NPEPPS: variants seen among roughly 807,000 people sequenced by gnomAD.
NPEPPS encodes aminopeptidase puromycin sensitive, also known as puromycin-sensitive aminopeptidase.
In NPEPPS, 14 loss-of-function variants were observed where a neutral mutation model predicts 115.5. That is an observed-to-expected ratio of 0.12 (90% CI 0.08 to 0.19). The LOEUF is 0.19. Among genes scored for constraint, NPEPPS ranks in the 10% least tolerant of loss-of-function variants. NPEPPS has a pLI of 1.00. For synonymous variants in NPEPPS, 285 were observed against 390.6 expected, an observed-to-expected ratio of 0.73 and a Z score of 3.19; for missense variants, 523 against 1,110.8, an observed-to-expected ratio of 0.47 and a Z score of 7.52.
At chr17:47,612,660 G>GA in intron 18 of NPEPPS, 58 bp downstream of exon 18, 52 of 1,405,752 alleles carry the variant, frequency 3.7e-5, no homozygotes, top group Non-Finnish European at 4.8e-5. Context: ...GTGAAGCATG[G>GA]AACTTTTTTT....
At chr17:47,532,089 G>T (rs535575756) in intron 1 of NPEPPS, among the ~76,000 whole-genome samples, 2 of 152,092 alleles carry the variant, frequency 1.3e-5, no homozygotes, top group Admixed American at 6.5e-5. Context: ...TTCTAGAAGG[G>T]GGGGGAGAGG....
chr17:47,566,689 C>T (rs1910840345), intron 2 of NPEPPS, among the ~76,000 whole-genome samples: 1 of 151,816 alleles, frequency 6.6e-6, no homozygotes, highest in South Asian at 2.1e-4. Context: ...TCCCAAAGTG[C>T]TGGGATTACA....
chr17:47,592,507 T>C lies in NPEPPS; in HGVS notation c.1388T>C (p.Met463Thr), dbSNP rs1222958652. Reference protein sequence around the residue: ...GDKDFKKGMNMYLTKFQQKNA... With the variant: ...GDKDFKKGMNTYLTKFQQKNA... ...CAGGACTTTAAGAAAGGAATGAACA[T>C]GTATTTAACCAAGTTCCAACAAAAG... Residue 463 changes from methionine (M) to threonine (T), a missense_variant, in exon 12 of 23, where the codon ATG (methionine) becomes ACG (threonine). Physicochemically the swap from Met to Thr is moderately conservative, Grantham distance 81 (BLOSUM62 -1). Around this residue, in one of 4 missense-constraint regions of NPEPPS, gnomAD observed 7 missense variants for 24.2 expected, o/e 0.29. Transcript: ENST00000322157. 3.1e-6 allele frequency: 5 copies of C among 1,593,280 alleles called. No individual in the cohort carries two copies. Among genetic ancestry groups the C allele is most frequent in the Non-Finnish European group, 4.3e-6 (5 of 1,169,030 alleles).
rs543559258 is a variant in NPEPPS at position 47,538,202 on chromosome 17, C to CTTTTTTTTTTTTTTTTTT, written c.255+6653_255+6670dup. 8.0e-4 allele frequency among the ~76,000 whole-genome samples: 47 copies of CTTTTTTTTTTTTTTTTTT among 58,488 alleles called. 9 individuals carry two copies. Among genetic ancestry groups the CTTTTTTTTTTTTTTTTTT allele is most frequent in the South Asian group, 4.7e-3 (6 of 1,278 alleles). 38.4% of individuals were successfully genotyped at this position (58,488 alleles called of 152,430 possible). A position where few individuals can be genotyped will look rare whatever the true frequency, so the allele number is the denominator to read the frequency against. On this transcript the variant is annotated intron_variant, in intron 1 of 22. Coordinates refer to ENST00000322157, the MANE Select transcript of NPEPPS (RefSeq NM_006310.4). ...GCCACCGCGCCTAGCCATATCTGTT[C>CTTTTTTTTTTTTTTTTTT]TTTTTTTTTTTTTTTTTTTTTTTGA...
At chr17:47,531,797 G>C (rs1465501449) in intron 1 of NPEPPS, among the ~76,000 whole-genome samples, 4 of 152,106 alleles carry the variant, frequency 2.6e-5, no homozygotes, top group African/African-American at 9.6e-5. Flanking sequence ...GGGCCGCGCT[G>C]CGGGAGCTCT....
intron 3 of NPEPPS, among the ~76,000 whole-genome samples, chr17:47,570,001 A>C (rs1287383051): frequency 2.6e-5 from 4 of 152,216 alleles, no homozygotes; most frequent in African/African-American, 9.6e-5. Flanking sequence ...TACGAAAAGC[A>C]GGGTTTCCAC....
At position 47,585,547 on chromosome 17, in the gene NPEPPS, A is replaced by G. The variant is rs751111150; in HGVS notation, c.696A>G (p.Glu232=). Residue 232 remains glutamate (E), a synonymous_variant, in exon 6 of 23, where the codon GAA becomes GAG. Transcript: ENST00000322157. ...ACCCTGATGATGAAAATTTAGTGGA[A>G]GTGAAGTTTGCCCGCACACCTGTTA... is the stretch of plus-strand genomic sequence containing the variant. The part of the protein sequence containing the change: ...KPYPDDENLV[E]VKFARTPVMS... 5 of 1,613,770 alleles carry G rather than the reference A, an allele frequency of 3.1e-6. No homozygotes were observed.
chr17:47,582,318 G>A (rs1476294242), intron 4 of NPEPPS: 2 of 224,914 alleles, frequency 8.9e-6, no homozygotes, highest in Non-Finnish European at 1.8e-5. Context: ...CAAAGATTGA[G>A]AATATTTTTA....
intron 14 of NPEPPS, among the ~76,000 whole-genome samples, chr17:47,600,846 T>G (rs1480856784): frequency 1.3e-5 from 2 of 152,216 alleles, no homozygotes; most frequent in East Asian, 3.8e-4. Context: ...GTATCCTGTC[T>G]ATCACAACAA....
intron 1 of NPEPPS, among the ~76,000 whole-genome samples, chr17:47,534,401 C>T (rs1908044433): frequency 1.3e-5 from 2 of 151,996 alleles, no homozygotes; most frequent in East Asian, 3.9e-4. Context: ...TCTGTAGAAA[C>T]CTATATTTAT....
At chr17:47,621,004 A>G (rs1193322611) in intron 22 of NPEPPS, among the ~76,000 whole-genome samples, 1 of 151,974 alleles carries the variant, frequency 6.6e-6, no homozygotes, top group Admixed American at 6.6e-5. Context: ...GCAACATGGT[A>G]GGACCCCATC....
chr17:47,606,233 ATTAT>A (rs1263263104), intron 17 of NPEPPS, among the ~76,000 whole-genome samples: 1 of 152,156 alleles, frequency 6.6e-6, no homozygotes, highest in African/African-American at 2.4e-5. Flanking sequence ...AATTAAGGAA[ATTAT>A]TTGCTTTCTA....
chr17:47,558,773 G>A (rs1332948072), intron 2 of NPEPPS, among the ~76,000 whole-genome samples: 7 of 152,052 alleles, frequency 4.6e-5, no homozygotes, highest in Non-Finnish European at 7.4e-5. Context: ...GGTGGCTGAC[G>A]CTTGTAATCC....
intron 2 of NPEPPS, among the ~76,000 whole-genome samples, chr17:47,564,476 T>C (rs1352699521): frequency 2.0e-5 from 3 of 152,120 alleles, no homozygotes; most frequent in Admixed American, 1.3e-4. Flanking sequence ...GATTCTCTCA[T>C]ACTCCATTTT....
chr17:47,596,249 A>C (rs1429099847), intron 12 of NPEPPS, 104 bp from the exon 13 acceptor site: 1 of 665,340 alleles, frequency 1.5e-6, no homozygotes, highest in African/African-American at 1.8e-5. Context: ...AACCTGAAAG[A>C]ACCAAAGAAT....
intron 2 of NPEPPS, among the ~76,000 whole-genome samples, chr17:47,549,925 T>G (rs1405913677): frequency 6.6e-6 from 1 of 151,072 alleles, no homozygotes; most frequent in Non-Finnish European, 1.5e-5. Context: ...AATTGTTGCT[T>G]CTTTTAATTT....
intron 15 of NPEPPS, among the ~76,000 whole-genome samples, chr17:47,603,156 G>T (rs1913320488): frequency 6.6e-6 from 1 of 152,188 alleles, no homozygotes; most frequent in African/African-American, 2.4e-5. Flanking sequence ...AGTGGCTCAT[G>T]CCTGTAATCC....
Position 47,534,789 on chromosome 17 carries a change from G to A in NPEPPS, c.255+3234G>A, listed in dbSNP as rs952040379. On this transcript the variant is annotated intron_variant, in intron 1 of 22. Transcript: ENST00000322157. ...TTGCCATGTTGGCCAGGCTGGTCTC[G>A]AACTCCTGACCTCAGGTGATCCCCT... Among the ~76,000 whole-genome samples the A allele has an allele frequency of 1.2e-3, 184 of 151,158 alleles. 1 individual carries two copies. Among genetic ancestry groups the A allele is most frequent in the African/African-American group, 4.2e-3 (174 of 41,222 alleles).
intron 14 of NPEPPS, 53 bp downstream of exon 14, chr17:47,599,792 A>G: frequency 1.5e-6 from 2 of 1,348,670 alleles, no homozygotes; most frequent in Non-Finnish European, 2.1e-6. Context: ...ATATTAACTA[A>G]TACCAGTAGT....
Sources: allele counts gnomAD v4.1 joint callset (sites outside exome capture counted in the v4.1 genomes callset), GRCh38; gene constraint gnomAD v4.1.1; regional missense constraint gnomAD v4.1.1; transcripts MANE v1.5; gene names NCBI Gene and HGNC (gene_info 2026-07-23, HGNC 2026-07-21).